Variants in NLGN1 observed in about 807,000 individuals in gnomAD.
The protein encoded by NLGN1 is neuroligin-1.
A neutral mutation model predicts 65.5 loss-of-function variants in NLGN1; 12 were observed. The ratio of observed to expected loss-of-function variants is 0.18; its 90% CI spans 0.12 to 0.30. The LOEUF is 0.30. Ranked by LOEUF, NLGN1 falls within the 10% of genes least tolerant of loss-of-function variation. NLGN1 has a pLI of 1.00. For synonymous variants in NLGN1, 350 were observed against 359.5 expected (o/e 0.97, Z 0.30); for missense variants, 750 against 1,007.1 (o/e 0.74, Z 3.46).
At chr3:173,431,047 A>G (rs1432783728) in intron 1 of NLGN1, among the ~76,000 whole-genome samples, 3 of 152,236 alleles carry the variant, frequency 2.0e-5, no homozygotes, top group African/African-American at 7.2e-5. Context: ...ACTAATTTAT[A>G]TCAGTATATA....
At chr3:173,640,063 T>C (rs146568941) in intron 3 of NLGN1, among the ~76,000 whole-genome samples, 1 of 152,294 alleles carries the variant, frequency 6.6e-6, no homozygotes, top group African/African-American at 2.4e-5. Context: ...CCTATCTACA[T>C]GTTGCTTAAT....
chr3:173,809,623 C>T (rs1375899865), intron 4 of NLGN1, among the ~76,000 whole-genome samples: 1 of 152,048 alleles, frequency 6.6e-6, no homozygotes, highest in Non-Finnish European at 1.5e-5. Context: ...GTTATTGGTT[C>T]TGTTTATATA....
intron 2 of NLGN1, among the ~76,000 whole-genome samples, chr3:173,456,247 A>G (rs146115560): frequency 1.3e-5 from 2 of 152,146 alleles, no homozygotes; most frequent in African/African-American, 4.8e-5. Context: ...CTCTAAGAAG[A>G]GAGTAAAGAG....
At chr3:174,220,425 G>A (rs900749292) in intron 4 of NLGN1, among the ~76,000 whole-genome samples, 103 of 152,250 alleles carry the variant, frequency 6.8e-4, no homozygotes, top group Middle Eastern at 3.4e-3. Flanking sequence ...TAGAGCTAAC[G>A]TGGTTGTTAT....
chr3:173,566,126 A>G (rs1743618358), intron 2 of NLGN1, among the ~76,000 whole-genome samples: 1 of 152,180 alleles, frequency 6.6e-6, no homozygotes, highest in African/African-American at 2.4e-5. Context: ...ATACAGCAGT[A>G]CGTTATTATT....
intron 3 of NLGN1, among the ~76,000 whole-genome samples, chr3:173,658,067 G>A (rs1415657869): frequency 6.6e-6 from 1 of 151,886 alleles, no homozygotes; most frequent in African/African-American, 2.4e-5. Context: ...TAAAAATGGT[G>A]TAACTTTCGT....
intron 4 of NLGN1, among the ~76,000 whole-genome samples, chr3:174,004,123 G>A (rs1203097592): frequency 6.6e-6 from 1 of 152,108 alleles, no homozygotes; most frequent in East Asian, 1.9e-4. Flanking sequence ...TCCACAAGCA[G>A]TGATCACTTC....
At chr3:174,168,349 A>T (rs1369965422) in intron 4 of NLGN1, among the ~76,000 whole-genome samples, 2 of 152,046 alleles carry the variant, frequency 1.3e-5, no homozygotes, top group Non-Finnish European at 2.9e-5. Flanking sequence ...GGCACTTCTA[A>T]TTTTTGTAAT....
intron 1 of NLGN1, among the ~76,000 whole-genome samples, chr3:173,400,808 A>G (rs534755906): frequency 3.9e-5 from 6 of 152,344 alleles, no homozygotes; most frequent in African/African-American, 1.4e-4. Flanking sequence ...ATGTCTGAAC[A>G]TAGAGTCTAC....
intron 4 of NLGN1, among the ~76,000 whole-genome samples, chr3:173,935,500 A>C (rs1034092659): frequency 1.1e-4 from 17 of 151,822 alleles, no homozygotes; most frequent in African/African-American, 4.1e-4. Context: ...GAAACAAAAA[A>C]TCCAGTAATG....
Position 173,512,210 on chromosome 3 carries a change from T to C in NLGN1, c.-321+77132T>C, listed in dbSNP as rs1346065919. Among the ~76,000 whole-genome samples, 4 of 152,336 alleles carry C rather than the reference T, an allele frequency of 2.6e-5. No homozygotes were observed. The East Asian group carries it at 5.8e-4, about 22-fold the overall frequency. On this transcript the variant is annotated intron_variant, in intron 2 of 6. Coordinates refer to ENST00000457714, the Ensembl canonical transcript of NLGN1. ...GTCTTGTAGCATGGGGCAGCTGCCT[T>C]CCGCCAGCAAGGGCAAAGTGTCAGT... is the stretch of plus-strand genomic sequence containing the variant.
At chr3:174,170,311 A>G (rs545305270) in intron 4 of NLGN1, among the ~76,000 whole-genome samples, 33 of 152,120 alleles carry the variant, frequency 2.2e-4, no homozygotes, top group Non-Finnish European at 4.4e-4. Context: ...AAAAAATTCT[A>G]AACAAAGCTT....
chr3:174,269,743 T>G (rs1748984557), intron 4 of NLGN1, among the ~76,000 whole-genome samples: 1 of 151,958 alleles, frequency 6.6e-6, no homozygotes, highest in African/African-American at 2.4e-5. Flanking sequence ...ATCCTATGTT[T>G]AATTTTTTGA....
chr3:174,145,763 A>G (rs1723107385), intron 4 of NLGN1, among the ~76,000 whole-genome samples: 1 of 152,230 alleles, frequency 6.6e-6, no homozygotes, highest in Non-Finnish European at 1.5e-5. Flanking sequence ...CATTTTAATA[A>G]TTTTATGCAC....
chr3:173,507,762 A>G (rs1446129064), intron 2 of NLGN1, among the ~76,000 whole-genome samples: 5 of 152,138 alleles, frequency 3.3e-5, no homozygotes, highest in Non-Finnish European at 7.4e-5. Flanking sequence ...TATGCTAAAT[A>G]TGGCCCACTT....
chr3:173,532,417 A>G (rs1225576361), intron 2 of NLGN1, among the ~76,000 whole-genome samples: 1 of 152,156 alleles, frequency 6.6e-6, no homozygotes, highest in Non-Finnish European at 1.5e-5. Context: ...TGCCTTCTTT[A>G]TTTTGCATTT....
At chr3:174,169,265 C>T (rs1317444518) in intron 4 of NLGN1, among the ~76,000 whole-genome samples, 3 of 152,156 alleles carry the variant, frequency 2.0e-5, no homozygotes, top group Non-Finnish European at 4.4e-5. Flanking sequence ...GTTAGGCAAA[C>T]AAGTGTTCTG....
At chr3:173,853,561 T>A (rs1486271897) in intron 4 of NLGN1, among the ~76,000 whole-genome samples, 1 of 152,144 alleles carries the variant, frequency 6.6e-6, no homozygotes, top group East Asian at 1.9e-4. Flanking sequence ...AATTGTATAT[T>A]TATAATGTAG....
intron 4 of NLGN1, among the ~76,000 whole-genome samples, chr3:173,889,956 A>C (rs893211656): frequency 6.6e-6 from 1 of 151,916 alleles, no homozygotes; most frequent in African/African-American, 2.4e-5. Context: ...TTTGCCAAAA[A>C]TAAAGGGCCT....
Sources: allele counts gnomAD v4.1 joint callset (sites outside exome capture counted in the v4.1 genomes callset), GRCh38; gene constraint gnomAD v4.1.1; transcripts MANE v1.5; gene names NCBI Gene and HGNC (gene_info 2026-07-23, HGNC 2026-07-21).